Variants in MCFD2 observed in about 807,000 individuals in gnomAD.
MCFD2 encodes multiple coagulation factor deficiency 2, ER cargo receptor complex subunit.
In MCFD2, 11 loss-of-function variants were observed where a neutral mutation model predicts 12.8. The ratio of observed to expected loss-of-function variants is 0.86; its 90% confidence interval spans 0.54 to 1.42. The LOEUF (loss-of-function observed/expected upper bound fraction) is 1.42. MCFD2 is among the 40% of genes most tolerant of loss of function. The pLI is 0.00. For missense variants in MCFD2, 191 were observed against 178.6 expected, an observed-to-expected ratio of 1.07 and a Z score of -0.40; for synonymous variants, 70 against 68.1, an observed-to-expected ratio of 1.03 and a Z score of -0.14.
upstream of MCFD2, among the ~76,000 whole-genome samples, chr2:46,917,921 C>T (rs1172917563): frequency 6.6e-6 from 1 of 152,218 alleles, no homozygotes; most frequent in Non-Finnish European, 1.5e-5. Flanking sequence ...TAATTGGCTT[C>T]TCAATCTATA....
At chr2:46,910,992 G>A (rs1190813913) in intron 1 of MCFD2, 1 of 152,222 alleles carries the variant, frequency 6.6e-6, no homozygotes, top group African/African-American at 2.4e-5. Context: ...GTACACTCCA[G>A]CCTGGGTAAC....
chr2:46,932,474 T>C (rs569434724), intron 1 of MCFD2, among the ~76,000 whole-genome samples: 4 of 152,244 alleles, frequency 2.6e-5, no homozygotes, highest in African/African-American at 9.6e-5. Context: ...TGACCCTAGT[T>C]GATGGTTAAT....
At chr2:46,921,221 G>A (rs1466200924) in intron 1 of MCFD2, among the ~76,000 whole-genome samples, 1 of 152,146 alleles carries the variant, frequency 6.6e-6, no homozygotes, top group African/African-American at 2.4e-5. Flanking sequence ...GGAAGAAAAA[G>A]TAAAAGTATC....
At position 46,940,562 on chromosome 2, in the gene MCFD2, GAAAT is replaced by G. The variant is rs1239695112; in HGVS notation, c.-8+1006_-8+1009del. On this transcript the variant is annotated intron_variant, in intron 1 of 2. Transcript: ENST00000409147. The surrounding 1 kb of genome is among the most constrained non-coding windows in gnomAD (Gnocchi z 4.7). ...GATCACAGTCTTAGACCAGCATGAA[GAAAT>G]AAATAAATACCAAGGTGGTGAAACA... 1.3e-5 allele frequency among the ~76,000 whole-genome samples: 2 copies of G among 152,256 alleles called. No homozygotes were observed. Among genetic ancestry groups the G allele is most frequent in the Admixed American group, 6.5e-5 (1 of 15,288 alleles).
At chr2:46,931,398 T>A (rs1444493898) in intron 1 of MCFD2, among the ~76,000 whole-genome samples, 1 of 152,252 alleles carries the variant, frequency 6.6e-6, no homozygotes, top group Non-Finnish European at 1.5e-5. Flanking sequence ...AATGTTATTT[T>A]ACATGCAAAA....
chr2:46,909,582 TCTC>T (rs1250180656), intron 1 of MCFD2, among the ~76,000 whole-genome samples: 2 of 152,028 alleles, frequency 1.3e-5, no homozygotes, highest in Non-Finnish European at 2.9e-5. Context: ...GGGGAAGAAA[TCTC>T]CTCCGAGTGG....
intron 1 of MCFD2, among the ~76,000 whole-genome samples, chr2:46,929,957 G>T (rs1323383357): frequency 6.6e-6 from 1 of 152,188 alleles, no homozygotes; most frequent in Non-Finnish European, 1.5e-5. Flanking sequence ...TGCTTTGCTA[G>T]CTTGAGCCCC....
chr2:46,916,848 T>C (rs1668821861), upstream of MCFD2, among the ~76,000 whole-genome samples: 1 of 152,096 alleles, frequency 6.6e-6, no homozygotes, highest in South Asian at 2.1e-4. Flanking sequence ...TTGGCCAGGC[T>C]GGTCTCTAAC....
rs963602999 is a variant in MCFD2 at position 46,941,704 on chromosome 2, G to A, written c.-140C>T. Reference sequence around the variant, plus strand: ...TAACAGGCGAGGCAGCCCGAGCGCAGCGTTCACCTTTCCGGACACCGGTGA... The same window carrying A: ...TAACAGGCGAGGCAGCCCGAGCGCAACGTTCACCTTTCCGGACACCGGTGA... On this transcript the variant is annotated 5_prime_UTR_variant, in exon 1 of 3. Coordinates refer to the MCFD2 transcript ENST00000409147. This position sits in a 1 kb window ranked among gnomAD's most constrained non-coding sequence, Gnocchi z 4.2. The A allele has an allele frequency of 2.8e-5, 43 of 1,550,636 alleles. No individual in the cohort carries two copies. In the Middle Eastern group the frequency reaches 1.0e-3, roughly 37 times the overall value.
chr2:46,939,001 ACT>A (rs1316632955), intron 1 of MCFD2, among the ~76,000 whole-genome samples: 4 of 140,614 alleles, frequency 2.8e-5, no homozygotes, highest in Admixed American at 1.5e-4. Flanking sequence ...ACAGAGCGAG[ACT>A]CTGTCTCAAA....
chr2:46,907,610 C>T lies in MCFD2; in HGVS notation c.309+200G>A. Reference sequence around the variant, plus strand: ...ACAGGGTCTCACTATATTGCCAAGGCTGGTCTTGAACTCCTGGCTCAAGTG... The same window carrying T: ...ACAGGGTCTCACTATATTGCCAAGGTTGGTCTTGAACTCCTGGCTCAAGTG... On this transcript the variant is annotated intron_variant, in intron 3 of 3. Transcript: ENST00000319466. This position sits in a 1 kb window ranked among gnomAD's most constrained non-coding sequence, Gnocchi z 4.1. 1 of 624,066 alleles carries T rather than the reference C, an allele frequency of 1.6e-6. No individual in the cohort carries two copies. The highest frequency in any genetic ancestry group is 2.9e-5 in the East Asian group (1 of 34,806). The allele number at this position is 624,066 out of a possible 1,614,324, so 38.7% of individuals were successfully genotyped here.
upstream of MCFD2, chr2:46,915,844 G>T: frequency 1.4e-6 from 1 of 694,306 alleles, no homozygotes; most frequent in Non-Finnish European, 1.7e-6. Flanking sequence ...CCCTGCGCAC[G>T]CGCGCTCCCT....
At chr2:46,934,757 A>G (rs1219553862) in intron 1 of MCFD2, among the ~76,000 whole-genome samples, 1 of 139,022 alleles carries the variant, frequency 7.2e-6, no homozygotes, top group Admixed American at 7.2e-5. Flanking sequence ...AACAATCCCA[A>G]TCCTGGAATA....
intron 1 of MCFD2, among the ~76,000 whole-genome samples, chr2:46,926,314 C>T (rs1460213009): frequency 3.3e-5 from 5 of 152,198 alleles, no homozygotes; most frequent in Admixed American, 6.5e-5. Flanking sequence ...CTGTGCTAAA[C>T]AGTGGAGATC....
rs141887741 is a variant in MCFD2, at chr2:46,906,117, G to C, written c.310-523C>G. 9.7e-5 allele frequency: 41 copies of C among 421,226 alleles called. No homozygotes were observed. The East Asian group carries it at 2.3e-3, about 24-fold the overall frequency. 26.1% of individuals were successfully genotyped at this position (421,226 alleles called of 1,614,324 possible). ...TTCCCATGCTCCAAGAGCAGGGTTA[G>C]TGGGCTGAGGCTGTTCACATCCTTG... On this transcript the variant is annotated intron_variant, in intron 3 of 3. Coordinates refer to ENST00000319466, the MANE Select transcript of MCFD2 (RefSeq NM_139279.6).
In MCFD2 at chr2:46,902,170, T is replaced by G. The variant is rs763634945; in HGVS notation, c.*3293A>C. 1.0e-4 allele frequency: 16 copies of G among 152,682 alleles called. No individual in the cohort carries two copies. The highest frequency in any genetic ancestry group is 2.6e-4 in the Admixed American group (4 of 15,276). 9.5% of individuals were successfully genotyped at this position (152,682 alleles called of 1,614,324 possible). A position where few individuals can be genotyped will look rare whatever the true frequency, so the allele number is the denominator to read the frequency against. ...ATAAACCAAATTACAATCTGCTGCT[T>G]CTTCTCATTTTCAAATACTATAAAG... On this transcript the variant is annotated 3_prime_UTR_variant, in exon 4 of 4. Coordinates refer to ENST00000319466, the MANE Select transcript of MCFD2 (RefSeq NM_139279.6).
intron 1 of MCFD2, among the ~76,000 whole-genome samples, chr2:46,925,097 C>T (rs1669317745): frequency 6.6e-6 from 1 of 152,206 alleles, no homozygotes; most frequent in South Asian, 2.1e-4. Context: ...CTGTTTGTTG[C>T]ACTGCACTTG....
Position 46,908,115 on chromosome 2 carries a change from C to T in MCFD2, c.150-146G>A. ...AGTGGCAGACCACACTCAAGGATTA[C>T]ACAGAGATAGACAAGGCCTTGAGAG... On this transcript the variant is annotated intron_variant, in intron 2 of 3. Coordinates refer to ENST00000319466, the MANE Select transcript of MCFD2 (RefSeq NM_139279.6). This position sits in a 1 kb window ranked among gnomAD's most constrained non-coding sequence, Gnocchi z 4.5. 1 of 838,984 alleles carries T rather than the reference C, an allele frequency of 1.2e-6. No homozygotes were observed. The highest frequency in any genetic ancestry group is 2.0e-6 in the Non-Finnish European group (1 of 512,470). 52.0% of individuals were successfully genotyped at this position (838,984 alleles called of 1,614,324 possible). A position where few individuals can be genotyped will look rare whatever the true frequency, so the allele number is the denominator to read the frequency against.
intron 1 of MCFD2, among the ~76,000 whole-genome samples, chr2:46,934,963 G>A (rs1278737459): frequency 6.6e-6 from 1 of 151,766 alleles, no homozygotes; most frequent in Non-Finnish European, 1.5e-5. Flanking sequence ...ACCACGTCCA[G>A]CTAATTTTTG....
Sources: allele counts gnomAD v4.1 joint callset (sites outside exome capture counted in the v4.1 genomes callset), GRCh38; gene constraint gnomAD v4.1.1; non-coding constraint Gnocchi (gnomAD v3.1); transcripts MANE v1.5; gene names NCBI Gene and HGNC (gene_info 2026-07-23, HGNC 2026-07-21).